The following BLTP3A variants were observed in gnomAD, a reference collection of about 807,000 sequenced individuals.
The protein encoded by BLTP3A is ICBP90 binding protein 1.
chr6:34,856,967 G>A, the BLTP3A span: 1 of 1,598,088 alleles, frequency 6.3e-7, no homozygotes, highest in South Asian at 1.1e-5. Flanking sequence ...AAGAGGTGGA[G>A]CAGTTTACTT....
At chr6:34,838,489 C>G in the BLTP3A span, among the ~76,000 whole-genome samples, 2 of 144,786 alleles carry the variant, frequency 1.4e-5, no homozygotes, top group African/African-American at 5.4e-5. Context: ...AATATCATCT[C>G]AAGCCACAAA....
chr6:34,799,555 C>T, the BLTP3A span, among the ~76,000 whole-genome samples: 1 of 151,998 alleles, frequency 6.6e-6, no homozygotes, highest in South Asian at 2.1e-4. Context: ...ATGTATTTGA[C>T]ATTCAACAGC....
the BLTP3A span, among the ~76,000 whole-genome samples, chr6:34,805,515 C>G: frequency 6.6e-6 from 1 of 150,924 alleles, no homozygotes; most frequent in Admixed American, 6.6e-5. Context: ...ATCACTTGAA[C>G]CTGGGAGGCG....
At chr6:34,819,156 CT>C in the BLTP3A span, among the ~76,000 whole-genome samples, 27,611 of 142,844 alleles carry the variant, frequency 0.19, 2,939 homozygotes, top group African/African-American at 0.3. Context: ...TTTTTTTTTA[CT>C]TTTTTTTTTA....
the BLTP3A span, chr6:34,856,459 T>C: frequency 6.3e-7 from 1 of 1,579,164 alleles, no homozygotes; most frequent in Non-Finnish European, 8.6e-7. Context: ...TCTTGCCATT[T>C]ATCTTTGAAT....
At chr6:34,851,080 T>C in the BLTP3A span, among the ~76,000 whole-genome samples, 4 of 152,144 alleles carry the variant, frequency 2.6e-5, no homozygotes, top group Admixed American at 2.0e-4. Context: ...TTATCTTGAA[T>C]TTCATTGAGC....
the BLTP3A span, among the ~76,000 whole-genome samples, chr6:34,847,899 T>A: frequency 6.8e-6 from 1 of 146,002 alleles, no homozygotes; most frequent in Non-Finnish European, 1.5e-5. Context: ...TTACTTGAAA[T>A]TTTTCTACTT....
the BLTP3A span, among the ~76,000 whole-genome samples, chr6:34,856,031 C>T: frequency 1.3e-5 from 2 of 152,304 alleles, no homozygotes; most frequent in South Asian, 2.1e-4. Flanking sequence ...CAGTCAACAG[C>T]TTGCCTTTAG....
chr6:34,871,436 G>A, the BLTP3A span: 1 of 767,588 alleles, frequency 1.3e-6, no homozygotes, highest in African/African-American at 1.7e-5. Flanking sequence ...ATCTCTAGAT[G>A]GGAGAATCTG....
chr6:34,872,097 G>A, the BLTP3A span, among the ~76,000 whole-genome samples: 4 of 152,286 alleles, frequency 2.6e-5, no homozygotes, highest in South Asian at 6.2e-4. Flanking sequence ...GAGGATAAAT[G>A]TCAGGAGCTG....
chr6:34,798,414 T>G, the BLTP3A span, among the ~76,000 whole-genome samples: 1 of 152,096 alleles, frequency 6.6e-6, no homozygotes, highest in African/African-American at 2.4e-5. Flanking sequence ...AGGGTAGAAT[T>G]TTTAGATTGT....
chr6:34,866,199 T>C, the BLTP3A span, among the ~76,000 whole-genome samples: 1 of 151,710 alleles, frequency 6.6e-6, no homozygotes, highest in Non-Finnish European at 1.5e-5. Context: ...AGATCAGGAG[T>C]TTGAGACCAG....
the BLTP3A span, among the ~76,000 whole-genome samples, chr6:34,798,594 C>CTTTTTTT: frequency 5.5e-3 from 519 of 94,390 alleles, 15 homozygotes; most frequent in East Asian, 0.035. Flanking sequence ...TTCTTTCTTT[C>CTTTTTTT]TTTTTTTTTT....
the BLTP3A span, among the ~76,000 whole-genome samples, chr6:34,815,997 A>G: frequency 6.6e-6 from 1 of 152,220 alleles, no homozygotes; most frequent in Non-Finnish European, 1.5e-5. Flanking sequence ...TGATCAGAGG[A>G]CCATAGTTTG....
the BLTP3A span, among the ~76,000 whole-genome samples, chr6:34,865,441 G>T: frequency 1.3e-5 from 2 of 152,142 alleles, no homozygotes; most frequent in East Asian, 1.9e-4. Flanking sequence ...TCTGTTCATT[G>T]GTTGATGAAC....
the BLTP3A span, chr6:34,856,305 A>G: frequency 1.2e-4 from 192 of 1,614,156 alleles, no homozygotes; most frequent in African/African-American, 2.3e-3. Flanking sequence ...TGGGCCCAGA[A>G]GCTGGTGATG....
chr6:34,818,228 G>A, the BLTP3A span, among the ~76,000 whole-genome samples: 2 of 152,166 alleles, frequency 1.3e-5, no homozygotes, highest in Non-Finnish European at 2.9e-5. Context: ...CAGCACATTG[G>A]TAGGCCGAGG....
the BLTP3A span, among the ~76,000 whole-genome samples, chr6:34,861,445 A>T: frequency 3.9e-5 from 6 of 152,342 alleles, no homozygotes; most frequent in South Asian, 8.3e-4. Context: ...AATTTTTTAA[A>T]TTATAAAAAT....
the BLTP3A span, among the ~76,000 whole-genome samples, chr6:34,822,519 G>A: frequency 3.3e-5 from 5 of 152,206 alleles, no homozygotes; most frequent in African/African-American, 1.2e-4. Flanking sequence ...GGTTACGGGC[G>A]TGAGCCACCG....
Sources: allele counts gnomAD v4.1 joint callset (sites outside exome capture counted in the v4.1 genomes callset), GRCh38; gene constraint gnomAD v4.1.1; transcripts MANE v1.5; gene names NCBI Gene and HGNC (gene_info 2026-07-23, HGNC 2026-07-21).